KIAA1549L: variants seen among roughly 807,000 people sequenced by gnomAD.
KIAA1549L encodes the protein KIAA1549 like, also known as UPF0606 protein KIAA1549L.
Under a neutral mutation model 160.7 loss-of-function variants are expected in KIAA1549L, and 88 were observed. The ratio of observed to expected loss-of-function variants is 0.55; its 90% CI spans 0.46 to 0.65. The LOEUF (loss-of-function observed/expected upper bound fraction) is 0.65, where lower values mean the gene tolerates loss of function less well. Ranked by LOEUF, KIAA1549L falls within the 30% of genes least tolerant of loss-of-function variation. The probability of loss-of-function intolerance (pLI) is 0.00; values close to 1 mark genes in which losing one functional copy is unlikely to be tolerated. For synonymous variants in KIAA1549L, 950 were observed against 976.7 expected, an observed-to-expected ratio of 0.97 and a Z score of 0.51; for missense variants, 2,258 against 2,437.5, an observed-to-expected ratio of 0.93 and a Z score of 1.55.
At chr11:33,537,103 C>T (rs1172482148) in intron 1 of KIAA1549L, among the ~76,000 whole-genome samples, 1 of 152,178 alleles carries the variant, frequency 6.6e-6, no homozygotes, top group African/African-American at 2.4e-5. Context: ...TTTATCAGTT[C>T]CTTGTACTCG....
At chr11:33,458,582 C>G (rs1187191313) in intron 1 of KIAA1549L, among the ~76,000 whole-genome samples, 2 of 152,226 alleles carry the variant, frequency 1.3e-5, no homozygotes, top group Admixed American at 1.3e-4. Flanking sequence ...TGTGTCAAAG[C>G]TGGCCTGTCT....
intron 1 of KIAA1549L, among the ~76,000 whole-genome samples, chr11:33,402,896 T>C (rs1850531431): frequency 1.3e-5 from 2 of 152,190 alleles, no homozygotes; most frequent in Non-Finnish European, 2.9e-5. Context: ...AGGGCCCTGC[T>C]CTAGTCCTTG....
At position 33,598,229 on chromosome 11, in the gene KIAA1549L, T is replaced by TGTGTGTGTGTGTGTGTGTCTGA. The variant is rs138775051; in HGVS notation, c.4752-591_4752-590insGTGTGTGTGTGTGTGTGTCTGA. Among the ~76,000 whole-genome samples the TGTGTGTGTGTGTGTGTGTCTGA allele has an allele frequency of 1.6e-4, 23 of 148,074 alleles. No homozygotes were observed. The East Asian group carries it at 1.6e-3, about 10-fold the overall frequency. ...GTGTGTGTGTGTGTGTGTGTGTGTG[T>TGTGTGTGTGTGTGTGTGTCTGA]CAGAGTGAAGCCCCTAGTGATGGGG... is the stretch of plus-strand genomic sequence containing the variant. On this transcript the variant is annotated intron_variant, in intron 12 of 20. Coordinates refer to ENST00000658780, the MANE Select transcript of KIAA1549L (RefSeq NM_012194.3).
intron 13 of KIAA1549L, among the ~76,000 whole-genome samples, chr11:33,601,794 GA>G (rs1349951193): frequency 6.6e-6 from 1 of 152,194 alleles, no homozygotes; most frequent in African/African-American, 2.4e-5. Flanking sequence ...ACTTTGAAAG[GA>G]AAAGACACTA....
intron 1 of KIAA1549L, among the ~76,000 whole-genome samples, chr11:33,417,699 A>G (rs773942614): frequency 2.6e-5 from 4 of 152,092 alleles, no homozygotes; most frequent in African/African-American, 7.2e-5. Context: ...CTCTGTAACC[A>G]TCCTACTCTA....
At chr11:33,653,990 T>G (rs1357820774) in intron 17 of KIAA1549L, among the ~76,000 whole-genome samples, 1 of 150,388 alleles carries the variant, frequency 6.6e-6, no homozygotes, top group Non-Finnish European at 1.5e-5. Context: ...ATTATTATTT[T>G]TAGACGGAGT....
intron 16 of KIAA1549L, among the ~76,000 whole-genome samples, chr11:33,624,523 A>G (rs936816945): frequency 4.6e-5 from 7 of 152,238 alleles, no homozygotes; most frequent in African/African-American, 1.7e-4. Flanking sequence ...CCATGGCAGC[A>G]TATGTGCACT....
intron 1 of KIAA1549L, among the ~76,000 whole-genome samples, chr11:33,432,342 C>G (rs567001485): frequency 1.3e-5 from 2 of 152,298 alleles, no homozygotes; most frequent in South Asian, 4.1e-4. Context: ...TTGACCCTGA[C>G]TCATGGTGAC....
At chr11:33,545,901 C>G (rs575709376) in intron 3 of KIAA1549L, among the ~76,000 whole-genome samples, 1 of 152,176 alleles carries the variant, frequency 6.6e-6, no homozygotes, top group Non-Finnish European at 1.5e-5. Flanking sequence ...TTTTGTCATG[C>G]ATTTTTTCAA....
At chr11:33,655,250 A>G (rs1436667667) in intron 17 of KIAA1549L, among the ~76,000 whole-genome samples, 1 of 151,992 alleles carries the variant, frequency 6.6e-6, no homozygotes, top group Non-Finnish European at 1.5e-5. Context: ...TAGATTGCAA[A>G]AGACATACAC....
chr11:33,529,774 G>A (rs1853696124), intron 1 of KIAA1549L, among the ~76,000 whole-genome samples: 1 of 152,132 alleles, frequency 6.6e-6, no homozygotes, highest in Non-Finnish European at 1.5e-5. Flanking sequence ...CCAAATGATT[G>A]AGCAAATAAG....
At chr11:33,469,125 T>C (rs1403622674) in intron 1 of KIAA1549L, among the ~76,000 whole-genome samples, 2 of 152,198 alleles carry the variant, frequency 1.3e-5, no homozygotes, top group Non-Finnish European at 2.9e-5. Context: ...TGTACAACTA[T>C]CACCACGATC....
intron 1 of KIAA1549L, among the ~76,000 whole-genome samples, chr11:33,519,617 G>A (rs12273774): frequency 0.21 from 31,857 of 152,096 alleles, 3,523 homozygotes; most frequent in East Asian, 0.34. Context: ...AAGAAGCTGT[G>A]CATATATAAT....
chr11:33,429,565 C>T (rs144933657), intron 1 of KIAA1549L, among the ~76,000 whole-genome samples: 12 of 152,270 alleles, frequency 7.9e-5, no homozygotes, highest in East Asian at 3.9e-4. Flanking sequence ...ACTTGTTCTC[C>T]GTGGAGCTGC....
chr11:33,410,827 A>G (rs1850771151), intron 1 of KIAA1549L, among the ~76,000 whole-genome samples: 1 of 152,238 alleles, frequency 6.6e-6, no homozygotes, highest in Non-Finnish European at 1.5e-5. Context: ...GATTTGCAAG[A>G]TGTGTTTGGG....
Position 33,435,802 on chromosome 11 carries a change from A to ATG in KIAA1549L, c.238+58914_238+58915insGT, listed in dbSNP as rs1197036690. Among the ~76,000 whole-genome samples, 11 of 16,476 alleles carry ATG rather than the reference A, an allele frequency of 6.7e-4. 1 individual carries two copies. The highest frequency in any genetic ancestry group is 4.3e-3 in the African/African-American group (11 of 2,542). 10.8% of individuals were successfully genotyped at this position (16,476 alleles called of 152,430 possible). ...TATATATATATATATATATATATAT[A>ATG]TATATATATGTGTGTGTATATATAT... On this transcript the variant is annotated intron_variant, in intron 1 of 20. Coordinates refer to ENST00000658780, the MANE Select transcript of KIAA1549L (RefSeq NM_012194.3).
At chr11:33,612,675 G>GGGTT (rs1195185459) in intron 15 of KIAA1549L, among the ~76,000 whole-genome samples, 8 of 151,972 alleles carry the variant, frequency 5.3e-5, no homozygotes, top group African/African-American at 1.9e-4. Context: ...TTCTGTCATG[G>GGGTT]GGTTGGTTGT....
At chr11:33,443,255 C>T (rs1283043802) in intron 1 of KIAA1549L, among the ~76,000 whole-genome samples, 2 of 152,032 alleles carry the variant, frequency 1.3e-5, no homozygotes, top group African/African-American at 4.8e-5. Flanking sequence ...CTGCCTTGGC[C>T]TCCCACAGTG....
chr11:33,528,722 C>T (rs1304974205), intron 1 of KIAA1549L, among the ~76,000 whole-genome samples: 4 of 152,106 alleles, frequency 2.6e-5, no homozygotes, highest in Non-Finnish European at 5.9e-5. Context: ...AGTGAAGTAA[C>T]TTGGGAATGA....
Sources: allele counts gnomAD v4.1 joint callset (sites outside exome capture counted in the v4.1 genomes callset), GRCh38; gene constraint gnomAD v4.1.1; transcripts MANE v1.5; gene names NCBI Gene and HGNC (gene_info 2026-07-23, HGNC 2026-07-21).